DAPK2: variants seen among roughly 807,000 people sequenced by gnomAD.
The protein encoded by DAPK2 is death-associated protein kinase 2.
DAPK2 carries 35 observed loss-of-function variants against 44.1 expected under a neutral mutation model. The ratio of observed to expected loss-of-function variants is 0.79; its 90% confidence interval spans 0.61 to 1.05. The LOEUF (loss-of-function observed/expected upper bound fraction) is 1.05, where lower values mean the gene tolerates loss of function less well. Ranked by LOEUF, DAPK2 falls within the 50% of genes least tolerant of loss-of-function variation. The pLI is 0.00. For synonymous variants in DAPK2, 174 were observed against 182.6 expected (o/e 0.95, Z 0.38); for missense variants, 453 against 483.2 (o/e 0.94, Z 0.59).
At chr15:63,954,463 T>TA (rs2140557526) in intron 3 of DAPK2, among the ~76,000 whole-genome samples, 1 of 152,330 alleles carries the variant, frequency 6.6e-6, no homozygotes, top group South Asian at 2.1e-4. Flanking sequence ...ACTGTAGATG[T>TA]ATGTATTTGT....
chr15:63,932,805 T>C (rs2077010816), intron 4 of DAPK2: 1 of 152,238 alleles, frequency 6.6e-6, no homozygotes, highest in Non-Finnish European at 1.5e-5. Flanking sequence ...GTTTTAGCTT[T>C]ATAAAAATGC....
rs2078937253 is a variant in DAPK2 at position 63,916,670 on chromosome 15, C to A, written c.859-4473G>T. 6.6e-6 allele frequency: 1 copy of A among 152,232 alleles called. No homozygotes were observed. The highest frequency in any genetic ancestry group is 1.5e-5 in the Non-Finnish European group (1 of 68,064). 9.4% of individuals were successfully genotyped at this position (152,232 alleles called of 1,614,324 possible). A position where few individuals can be genotyped will look rare whatever the true frequency, so the allele number is the denominator to read the frequency against. On this transcript the variant is annotated intron_variant, in intron 8 of 10. Coordinates refer to ENST00000261891, the Ensembl canonical transcript of DAPK2. This position sits in a 1 kb window ranked among gnomAD's most constrained non-coding sequence, Gnocchi z 4.7. ...GGGACAGCTGCAGAAAGGCTGTGAG[C>A]CTGAAGGCTGCCCCCTACAGTGAAC...
chr15:63,975,056 G>A (rs1321183518), intron 2 of DAPK2, among the ~76,000 whole-genome samples: 1 of 152,216 alleles, frequency 6.6e-6, no homozygotes, highest in Admixed American at 6.5e-5. Context: ...TTGGCTGAGA[G>A]AGGGGTCTAT....
chr15:64,010,179 G>T (rs1324373643), intron 1 of DAPK2, among the ~76,000 whole-genome samples: 5 of 152,144 alleles, frequency 3.3e-5, no homozygotes, highest in African/African-American at 9.7e-5. Flanking sequence ...CAGGAACTCT[G>T]GGGGTGGGGC....
intron 3 of DAPK2, among the ~76,000 whole-genome samples, chr15:63,942,876 G>A (rs187228138): frequency 6.6e-6 from 1 of 152,164 alleles, no homozygotes; most frequent in East Asian, 1.9e-4. Flanking sequence ...TGATGAGCTT[G>A]TCTGCTTGTC....
At chr15:64,039,985 G>A (rs1050396465) in intron 1 of DAPK2, among the ~76,000 whole-genome samples, 185 bp downstream of exon 2, 3 of 152,214 alleles carry the variant, frequency 2.0e-5, no homozygotes, top group Non-Finnish European at 4.4e-5. Context: ...TTACTGGCAA[G>A]TCATTATTTC....
chr15:64,020,956 G>C lies in DAPK2; in HGVS notation c.92+19214C>G, dbSNP rs184556. Among the ~76,000 whole-genome samples the C allele has an allele frequency of 0.82, 125,407 of 152,196 alleles. 51,984 individuals are homozygous for C. The highest frequency in any genetic ancestry group is 0.92 in the East Asian group (4,781 of 5,180). ...CTTGCCCAGGTGCATTAACGTATTG[G>C]TAGCCAAAGTGGGATATGAAGCAAG... On this transcript the variant is annotated intron_variant, in intron 1 of 10. Coordinates refer to ENST00000261891, the Ensembl canonical transcript of DAPK2. The surrounding 1 kb of genome is among the most constrained non-coding windows in gnomAD (Gnocchi z 4.5).
chr15:64,042,534 A>G (rs2080374570), upstream of DAPK2, among the ~76,000 whole-genome samples: 1 of 152,318 alleles, frequency 6.6e-6, no homozygotes, highest in Middle Eastern at 3.4e-3. This position sits in a 1 kb window ranked among gnomAD's most constrained non-coding sequence, Gnocchi z 4.7. Flanking sequence ...CCATTTGCTG[A>G]GAGCAGGATT....
exon 3 of DAPK2, chr15:63,971,464 T>C (rs1430081972): frequency 1.2e-6 from 2 of 1,614,216 alleles, no homozygotes; most frequent in Non-Finnish European, 1.7e-6. Flanking sequence ...TGAAGGTAGT[T>C]CACCCCATCC....
At chr15:63,991,520 C>A (rs2078818336) in intron 1 of DAPK2, among the ~76,000 whole-genome samples, 1 of 152,206 alleles carries the variant, frequency 6.6e-6, no homozygotes, top group African/African-American at 2.4e-5. Context: ...TCTCTCAAAT[C>A]TTTCACCGAA....
chr15:64,028,350 C>T (rs2079913553), intron 1 of DAPK2, among the ~76,000 whole-genome samples: 2 of 152,212 alleles, frequency 1.3e-5, no homozygotes, highest in South Asian at 4.1e-4. Flanking sequence ...TGAACCACTG[C>T]ACCCGACCCT....
intron 1 of DAPK2, among the ~76,000 whole-genome samples, chr15:64,033,283 AAGGG>A (rs2080075055): frequency 2.1e-5 from 2 of 96,638 alleles, no homozygotes; most frequent in Non-Finnish European, 4.4e-5. Flanking sequence ...GGGAAGGGGG[AAGGG>A]GGAAGGAAGG....
chr15:63,917,123 GA>G lies in DAPK2; in HGVS notation c.859-4927del, dbSNP rs2078948102. The G allele has an allele frequency of 6.6e-6, 1 of 152,332 alleles. No homozygotes were observed. The highest frequency in any genetic ancestry group is 2.4e-5 in the African/African-American group (1 of 41,466). 9.4% of individuals were successfully genotyped at this position (152,332 alleles called of 1,614,324 possible). A position where few individuals can be genotyped will look rare whatever the true frequency, so the allele number is the denominator to read the frequency against. On this transcript the variant is annotated intron_variant, in intron 8 of 10. Transcript: ENST00000261891. The surrounding 1 kb of genome is among the most constrained non-coding windows in gnomAD (Gnocchi z 4.4). The stretch of plus-strand genomic sequence containing the variant: ...CATGCCTGTAATCTCAGCACTTCGG[GA>G]GGCCGAGGCAGGCAGATCACCTGAG...
intron 8 of DAPK2, among the ~76,000 whole-genome samples, chr15:63,914,387 G>A (rs927725983): frequency 1.3e-5 from 2 of 152,178 alleles, no homozygotes; most frequent in African/African-American, 2.4e-5. Flanking sequence ...GAAAGACAAG[G>A]AATGGGAAGA....
chr15:63,935,757 G>C (rs964212947), intron 4 of DAPK2: 2 of 152,060 alleles, frequency 1.3e-5, no homozygotes, highest in Non-Finnish European at 2.9e-5. Context: ...ATTCCAAAGA[G>C]ATCTATGATA....
intron 1 of DAPK2, among the ~76,000 whole-genome samples, chr15:63,995,186 G>A (rs2078920717): frequency 6.6e-6 from 1 of 151,814 alleles, no homozygotes; most frequent in Non-Finnish European, 1.5e-5. Flanking sequence ...TGTTGTTGTT[G>A]TTGTTTTCTT....
intron 10 of DAPK2, among the ~76,000 whole-genome samples, chr15:63,910,453 C>T (rs3794800): frequency 0.1 from 15,386 of 152,294 alleles, 812 homozygotes; most frequent in African/African-American, 0.14. Context: ...CCCTACACCA[C>T]GCTCCATAAG....
chr15:63,941,696 T>C lies in DAPK2; in HGVS notation c.454-2335A>G, dbSNP rs4776686. Among the ~76,000 whole-genome samples the C allele has an allele frequency of 3.2e-3, 492 of 152,210 alleles. 10 individuals carry two copies. In the East Asian group the frequency reaches 0.046, roughly 14 times the overall value. On this transcript the variant is annotated intron_variant, in intron 3 of 10. Transcript: ENST00000261891. ...TTTTGCTTTTTTATTCTTCTTCCCC[T>C]CTGGAGATTACTCTCAACACTGTTT...
rs1384226461 is a variant in DAPK2, at chr15:63,923,371, G to T, written c.858+1445C>A. On this transcript the variant is annotated intron_variant, in intron 8 of 10. Coordinates refer to ENST00000261891, the Ensembl canonical transcript of DAPK2. The surrounding 1 kb of genome is among the most constrained non-coding windows in gnomAD (Gnocchi z 4.2). ...GGTGGGTGTTCAGACAGAAGAATCA[G>T]AGTGTTAATTTGCCGCCCACCCCAG... 2 of 1,526,214 alleles carry T rather than the reference G, an allele frequency of 1.3e-6. No individual in the cohort carries two copies. Among genetic ancestry groups the T allele is most frequent in the South Asian group, 1.2e-5 (1 of 83,478 alleles). 94.5% of individuals were successfully genotyped at this position (1,526,214 alleles called of 1,614,324 possible).
Sources: allele counts gnomAD v4.1 joint callset (sites outside exome capture counted in the v4.1 genomes callset), GRCh38; gene constraint gnomAD v4.1.1; non-coding constraint Gnocchi (gnomAD v3.1); transcripts MANE v1.5; gene names NCBI Gene and HGNC (gene_info 2026-07-23, HGNC 2026-07-21).